The following ZNF804B variants were observed in gnomAD, a reference collection of about 807,000 sequenced individuals.
ZNF804B encodes the protein zinc finger protein 804B, also known as zinc finger 804B.
In ZNF804B, 80 loss-of-function variants were observed where a neutral mutation model predicts 101.4. That is an observed-to-expected ratio of 0.79 (90% CI 0.66 to 0.95). The LOEUF (loss-of-function observed/expected upper bound fraction) is 0.95. Among genes scored for constraint, ZNF804B ranks in the 40% least tolerant of loss-of-function variants. ZNF804B has a pLI of 0.00. For missense variants in ZNF804B, 1,673 were observed against 1,561.9 expected (o/e 1.07, Z -1.20); for synonymous variants, 622 against 558.8 (o/e 1.11, Z -1.59).
intron 1 of ZNF804B, among the ~76,000 whole-genome samples, chr7:88,761,850 G>T (rs748573628): frequency 1.3e-5 from 2 of 152,168 alleles, no homozygotes; most frequent in African/African-American, 4.8e-5. Flanking sequence ...GCTTGCAGAA[G>T]AATTTCTGTT....
intron 1 of ZNF804B, among the ~76,000 whole-genome samples, chr7:89,004,082 A>T (rs1788334507): frequency 6.6e-6 from 1 of 150,396 alleles, no homozygotes; most frequent in African/African-American, 2.4e-5. Context: ...AAGGGAAATT[A>T]CAGCAGGTCA....
chr7:89,084,720 T>C (rs1265358813), intron 1 of ZNF804B, among the ~76,000 whole-genome samples: 2 of 151,760 alleles, frequency 1.3e-5, no homozygotes, highest in Admixed American at 6.6e-5. Context: ...ACAATAGTAA[T>C]ACACACACAC....
chr7:89,102,718 ATTTG>A (rs1790073942), intron 1 of ZNF804B, among the ~76,000 whole-genome samples: 1 of 151,562 alleles, frequency 6.6e-6, no homozygotes, highest in South Asian at 2.1e-4. Flanking sequence ...GTTTAGTTAG[ATTTG>A]CTTTTGGAGT....
intron 1 of ZNF804B, among the ~76,000 whole-genome samples, chr7:88,905,922 GT>G (rs1225723692): frequency 2.1e-4 from 28 of 134,296 alleles, no homozygotes; most frequent in South Asian, 4.7e-4. Flanking sequence ...GGGGTTGATA[GT>G]TTTTTTTTTT....
At chr7:88,986,208 C>T (rs1793758276) in intron 1 of ZNF804B, among the ~76,000 whole-genome samples, 1 of 152,048 alleles carries the variant, frequency 6.6e-6, no homozygotes, top group African/African-American at 2.4e-5. Context: ...AATTGTTTTC[C>T]AACATGATTT....
intron 1 of ZNF804B, among the ~76,000 whole-genome samples, chr7:89,046,224 C>A (rs767404937): frequency 1.3e-5 from 2 of 151,962 alleles, no homozygotes; most frequent in Non-Finnish European, 2.9e-5. Context: ...CCCAGCCAAG[C>A]AGAAGTGTGG....
intron 1 of ZNF804B, among the ~76,000 whole-genome samples, chr7:89,187,404 A>G (rs1363785977): frequency 6.6e-6 from 1 of 152,204 alleles, no homozygotes; most frequent in Non-Finnish European, 1.5e-5. Flanking sequence ...GAATGAGTAG[A>G]AACTAAGGGA....
intron 1 of ZNF804B, among the ~76,000 whole-genome samples, chr7:89,088,944 C>T (rs963016068): frequency 2.6e-5 from 4 of 152,056 alleles, no homozygotes; most frequent in African/African-American, 9.6e-5. Context: ...CAAGGCTCTC[C>T]TTCTTTATAT....
chr7:89,082,386 T>A lies in ZNF804B; in HGVS notation c.109-135769T>A, dbSNP rs1005863274. Among the ~76,000 whole-genome samples the A allele has an allele frequency of 1.1e-4, 17 of 151,836 alleles. No homozygotes were observed. The Middle Eastern group carries it at 0.01, about 91-fold the overall frequency. ...CTTATCTGATATATTAGTGTTTTTTTATTATTTTTCTTACAAGCACCTATT... is the reference window on the plus strand; with the variant it reads ...CTTATCTGATATATTAGTGTTTTTTAATTATTTTTCTTACAAGCACCTATT... On this transcript the variant is annotated intron_variant, in intron 1 of 3. Coordinates refer to ENST00000333190, the MANE Select transcript of ZNF804B (RefSeq NM_181646.5).
chr7:88,763,432 G>T (rs1440310640), intron 1 of ZNF804B, among the ~76,000 whole-genome samples: 3 of 151,922 alleles, frequency 2.0e-5, no homozygotes, highest in Admixed American at 6.6e-5. Context: ...TTTATCTATT[G>T]CATCTTTCTT....
At chr7:89,064,334 CT>C (rs1009274013) in intron 1 of ZNF804B, among the ~76,000 whole-genome samples, 1 of 152,168 alleles carries the variant, frequency 6.6e-6, no homozygotes, top group African/African-American at 2.4e-5. Context: ...ACAGCCCTCC[CT>C]GAAGCTGGGG....
intron 2 of ZNF804B, among the ~76,000 whole-genome samples, chr7:89,272,900 A>G (rs1488559176): frequency 6.6e-6 from 1 of 152,080 alleles, no homozygotes; most frequent in African/African-American, 2.4e-5. Flanking sequence ...TTTGGGACAA[A>G]TGTTGCCTTT....
At chr7:89,025,824 C>T (rs1788741803) in intron 1 of ZNF804B, among the ~76,000 whole-genome samples, 1 of 152,218 alleles carries the variant, frequency 6.6e-6, no homozygotes, top group African/African-American at 2.4e-5. Context: ...TAGTAATTAA[C>T]TATGTGTCCA....
chr7:89,283,947 A>G (rs1477415057), intron 2 of ZNF804B, among the ~76,000 whole-genome samples: 1 of 152,094 alleles, frequency 6.6e-6, no homozygotes, highest in Non-Finnish European at 1.5e-5. Flanking sequence ...AGAAAAAGTT[A>G]GATATGTCAT....
intron 1 of ZNF804B, among the ~76,000 whole-genome samples, chr7:89,157,734 CT>C (rs908021280): frequency 6.6e-6 from 1 of 151,888 alleles, no homozygotes; most frequent in South Asian, 2.1e-4. Context: ...GTTTTTCCAT[CT>C]TTTTTTTGGT....
At chr7:89,271,404 C>G (rs1281814479) in intron 2 of ZNF804B, among the ~76,000 whole-genome samples, 1 of 152,086 alleles carries the variant, frequency 6.6e-6, no homozygotes, top group Non-Finnish European at 1.5e-5. Flanking sequence ...GCCTTGCATC[C>G]CAGGGATGAA....
intron 1 of ZNF804B, among the ~76,000 whole-genome samples, chr7:88,997,795 C>G (rs930771980): frequency 2.0e-5 from 3 of 152,094 alleles, no homozygotes; most frequent in Admixed American, 6.6e-5. Context: ...CCTCTCCTAT[C>G]GCACCACTCA....
intron 1 of ZNF804B, among the ~76,000 whole-genome samples, chr7:88,875,962 G>C (rs542541978): frequency 6.6e-6 from 1 of 152,034 alleles, no homozygotes; most frequent in Admixed American, 6.6e-5. Context: ...CTTATCCACT[G>C]TGAGCAAGTG....
intron 1 of ZNF804B, among the ~76,000 whole-genome samples, chr7:88,874,814 A>G (rs1280969106): frequency 2.6e-5 from 4 of 151,686 alleles, no homozygotes; most frequent in East Asian, 3.9e-4. Flanking sequence ...CGGACCTAAT[A>G]GACATCTACA....
Sources: gnomAD v4.1 joint callset for allele counts (sites outside exome capture counted in the v4.1 genomes callset) on GRCh38, gnomAD v4.1.1 for gene constraint, MANE v1.5 for transcripts, NCBI Gene and HGNC (gene_info 2026-07-23, HGNC 2026-07-21) for gene names.